Variants in SRD5A3 observed in about 807,000 individuals in gnomAD.
The protein encoded by SRD5A3 is polyprenal reductase.
SRD5A3 carries 24 observed loss-of-function variants against 34.3 expected under a neutral mutation model. That is an observed-to-expected ratio of 0.70 (90% CI 0.51 to 0.99). The LOEUF is 0.99. Ranked by LOEUF, SRD5A3 falls within the 50% of genes least tolerant of loss-of-function variation. The probability of loss-of-function intolerance (pLI) is 0.00; values close to 1 mark genes in which losing one functional copy is unlikely to be tolerated. For synonymous variants in SRD5A3, 161 were observed against 167.3 expected, an observed-to-expected ratio of 0.96 and a Z score of 0.29; for missense variants, 350 against 388.2, an observed-to-expected ratio of 0.90 and a Z score of 0.83.
chr4:55,367,478 T>G (rs376726101), intron 3 of SRD5A3, 110 bp from the exon 4 acceptor site: 1 of 1,271,768 alleles, frequency 7.9e-7, no homozygotes. Flanking sequence ...TATTAGGATA[T>G]TGAGGAACGG....
chr4:55,347,918 T>C (rs1046338564), intron 1 of SRD5A3, among the ~76,000 whole-genome samples: 2 of 152,198 alleles, frequency 1.3e-5, no homozygotes, highest in African/African-American at 4.8e-5. Flanking sequence ...TTACCTGTTA[T>C]CCCATTTGTA....
Position 55,367,605 on chromosome 4 carries a change from A to C in SRD5A3, c.580A>C (p.Asn194His). 1 of 1,614,110 alleles carries C rather than the reference A, an allele frequency of 6.2e-7. No individual in the cohort carries two copies. Among genetic ancestry groups the C allele is most frequent in the Non-Finnish European group, 8.5e-7 (1 of 1,180,018 alleles). The change falls in exon 4 of 5, where the codon AAT becomes CAT. Residue 194 changes from asparagine to histidine, a missense_variant. Around this residue, in one of 3 missense-constraint regions of SRD5A3, gnomAD observed 186 missense variants for 221.4 expected, o/e 0.84. Transcript: ENST00000264228. ...DGRNAYITGK[N>H]LLMQARWFHI... is the part of the protein sequence containing the mutation. Reference sequence around the variant, plus strand: ...TCCTATAGCCTACATAACAGGGAAAAATCTATTGATGCAAGCACGGTGGTT... The same window carrying C: ...TCCTATAGCCTACATAACAGGGAAACATCTATTGATGCAAGCACGGTGGTT...
intron 1 of SRD5A3, among the ~76,000 whole-genome samples, chr4:55,358,418 C>T (rs562248291): frequency 6.6e-6 from 1 of 151,824 alleles, no homozygotes; most frequent in Admixed American, 6.6e-5. Flanking sequence ...AGCCTGTGGT[C>T]CCAGCTACTT....
At chr4:55,346,645 A>G (rs1719009439) in intron 1 of SRD5A3, 88 bp downstream of exon 1, 1 of 1,287,434 alleles carries the variant, frequency 7.8e-7, no homozygotes, top group African/African-American at 1.6e-5. Flanking sequence ...AGGGGGCAGC[A>G]GAGGCGGGAC....
Position 55,367,755 on chromosome 4 carries a change from T to C in SRD5A3, c.697+33T>C, listed in dbSNP as rs779388294. ...CTCTTTTAGAGCCTCTGCATATGGA[T>C]TTTAACCCTCAGAAGTTAGTTCTCC... On this transcript the variant is annotated intron_variant, in intron 4 of 4. Coordinates refer to ENST00000264228, the MANE Select transcript of SRD5A3 (RefSeq NM_024592.5). 3.7e-6 allele frequency: 6 copies of C among 1,613,578 alleles called. No individual in the cohort carries two copies. In the Admixed American group the frequency reaches 1.0e-4, roughly 27 times the overall value.
rs371783653 is a variant in SRD5A3 at position 55,359,327 on chromosome 4, G to C, written c.222-19G>C. 1.7e-5 allele frequency: 27 copies of C among 1,613,490 alleles called. No homozygotes were observed. Among genetic ancestry groups the C allele is most frequent in the Non-Finnish European group, 2.3e-5 (27 of 1,179,990 alleles). On this transcript the variant is annotated intron_variant, in intron 1 of 4. Transcript: ENST00000264228. ...GTGGATCTACCCTAATTATTGCCTC[G>C]CTTGTTTTCCTTTTGCAGATATTTT... is the stretch of plus-strand genomic sequence containing the variant.
intron 4 of SRD5A3, chr4:55,369,607 T>G: frequency 1.7e-6 from 1 of 577,594 alleles, no homozygotes; most frequent in Admixed American, 3.1e-5. Context: ...GATGCATACC[T>G]GTGGTACTAG....
chr4:55,353,797 G>A (rs778195304), intron 1 of SRD5A3, among the ~76,000 whole-genome samples: 4 of 152,128 alleles, frequency 2.6e-5, no homozygotes, highest in Non-Finnish European at 5.9e-5. Context: ...AAACCCACTG[G>A]AAGGAAGAAA....
intron 2 of SRD5A3, 191 bp from the exon 3 acceptor site, chr4:55,363,883 C>T (rs1719778053): frequency 1.6e-6 from 1 of 636,808 alleles, no homozygotes; most frequent in Admixed American, 2.4e-5. Context: ...ACCCAGTGAA[C>T]TGTGTAACAC....
chr4:55,363,067 G>A (rs1056687127), intron 2 of SRD5A3, among the ~76,000 whole-genome samples: 4 of 151,554 alleles, frequency 2.6e-5, no homozygotes, highest in East Asian at 3.9e-4. Context: ...GGCTGGTCTC[G>A]AACTCCTGAG....
At chr4:55,358,555 A>AAAAG (rs1553881766) in intron 1 of SRD5A3, among the ~76,000 whole-genome samples, 4 of 110,174 alleles carry the variant, frequency 3.6e-5, no homozygotes, top group Admixed American at 1.1e-4. Context: ...AAAAAAAAAA[A>AAAAG]AAGAAGAAGA....
Position 55,372,665 on chromosome 4 carries a change from G to C in SRD5A3, c.*2574G>C, listed in dbSNP as rs1479657310. 1 of 152,146 alleles carries C rather than the reference G, an allele frequency of 6.6e-6. No individual in the cohort carries two copies. Among genetic ancestry groups the C allele is most frequent in the African/African-American group, 2.4e-5 (1 of 41,424 alleles). 9.4% of individuals were successfully genotyped at this position (152,146 alleles called of 1,614,324 possible). ...AATTCTTCACAAGGACCCAGAAATA[G>C]CTTAAAGATTCATGGTTTTCCTGTT... is the stretch of plus-strand genomic sequence containing the variant. On this transcript the variant is annotated 3_prime_UTR_variant, in exon 5 of 5. Coordinates refer to ENST00000264228, the MANE Select transcript of SRD5A3 (RefSeq NM_024592.5).
chr4:55,354,920 AAAGT>A (rs1230980878), intron 1 of SRD5A3, among the ~76,000 whole-genome samples: 1 of 152,266 alleles, frequency 6.6e-6, no homozygotes, highest in African/African-American at 2.4e-5. Flanking sequence ...GCTGTGATTT[AAAGT>A]AAGCACTCAA....
At chr4:55,362,877 T>C (rs537812858) in intron 2 of SRD5A3, among the ~76,000 whole-genome samples, 96 of 149,982 alleles carry the variant, frequency 6.4e-4, no homozygotes, top group African/African-American at 2.3e-3. Flanking sequence ...GACAGAGTCT[T>C]GCTCTATCTC....
chr4:55,365,241 C>T (rs536683963), intron 3 of SRD5A3, among the ~76,000 whole-genome samples: 6 of 152,268 alleles, frequency 3.9e-5, no homozygotes, highest in Non-Finnish European at 8.8e-5. Context: ...TGAGGTCTAG[C>T]GATTTCCAAC....
chr4:55,349,589 T>A (rs145549875), intron 1 of SRD5A3, among the ~76,000 whole-genome samples: 34 of 152,252 alleles, frequency 2.2e-4, no homozygotes, highest in African/African-American at 7.9e-4. Flanking sequence ...TCCTTTTGGT[T>A]CCTAGAGTTT....
At chr4:55,361,061 T>C (rs1186950183) in intron 2 of SRD5A3, among the ~76,000 whole-genome samples, 1 of 152,112 alleles carries the variant, frequency 6.6e-6, no homozygotes, top group African/African-American at 2.4e-5. Flanking sequence ...AGGCAGAGTG[T>C]GAGGGGCAGA....
chr4:55,368,312 G>A (rs1719980969), intron 4 of SRD5A3, among the ~76,000 whole-genome samples: 1 of 151,626 alleles, frequency 6.6e-6, no homozygotes, highest in Admixed American at 6.6e-5. Context: ...CTGGGAGGCG[G>A]AGGTTGCAGT....
chr4:55,360,693 T>TG (rs200174869), intron 2 of SRD5A3, among the ~76,000 whole-genome samples: 2,798 of 151,154 alleles, frequency 0.019, 84 homozygotes, highest in African/African-American at 0.064. Flanking sequence ...GGAACGTTTT[T>TG]TTTTTTTTTT....
Sources: allele counts gnomAD v4.1 joint callset (sites outside exome capture counted in the v4.1 genomes callset), GRCh38; gene constraint gnomAD v4.1.1; regional missense constraint gnomAD v4.1.1; transcripts MANE v1.5; gene names NCBI Gene and HGNC (gene_info 2026-07-23, HGNC 2026-07-21).